The following TLN2 variants were observed in gnomAD, a reference collection of about 807,000 sequenced individuals.
The protein encoded by TLN2 is talin-2.
TLN2 carries 118 observed loss-of-function variants against 294.7 expected under a neutral mutation model. The ratio of observed to expected loss-of-function variants is 0.40; its 90% confidence interval spans 0.34 to 0.47. The LOEUF is 0.47. Among genes scored for constraint, TLN2 ranks in the 20% least tolerant of loss-of-function variants. The pLI, the probability that TLN2 is intolerant of heterozygous loss-of-function variation, is 0.84. For missense variants in TLN2, 3,083 were observed against 3,282.2 expected, an observed-to-expected ratio of 0.94 and a Z score of 1.48; for synonymous variants, 1,431 against 1,304.5, an observed-to-expected ratio of 1.10 and a Z score of -2.09.
At chr15:62,815,849 A>G (rs2067066771) in intron 52 of TLN2, among the ~76,000 whole-genome samples, 1 of 152,252 alleles carries the variant, frequency 6.6e-6, no homozygotes. Flanking sequence ...CATACCAATA[A>G]TAATACATTT....
chr15:62,656,567 A>G (rs961527914), intron 8 of TLN2, among the ~76,000 whole-genome samples: 5 of 152,316 alleles, frequency 3.3e-5, no homozygotes, highest in South Asian at 2.1e-4. Flanking sequence ...GTTTCCCAGT[A>G]TGTAAGATGT....
chr15:62,425,962 G>A (rs957948948), intron 1 of TLN2, among the ~76,000 whole-genome samples: 18 of 152,294 alleles, frequency 1.2e-4, no homozygotes, highest in African/African-American at 4.1e-4. Context: ...TTTTGTTTGT[G>A]GTCTTCAATT....
intron 1 of TLN2, among the ~76,000 whole-genome samples, chr15:62,475,986 A>G (rs949590121): frequency 6.6e-6 from 1 of 152,198 alleles, no homozygotes. Flanking sequence ...GGCAAGGCCT[A>G]TCTTCTGAGT....
chr15:62,430,814 G>A (rs1478156231), intron 1 of TLN2, among the ~76,000 whole-genome samples: 4 of 151,896 alleles, frequency 2.6e-5, no homozygotes, highest in African/African-American at 7.3e-5. Flanking sequence ...AGTAATTCAG[G>A]ATAAATTGTT....
At chr15:62,454,502 G>A (rs2036346614) in intron 1 of TLN2, among the ~76,000 whole-genome samples, 1 of 152,150 alleles carries the variant, frequency 6.6e-6, no homozygotes, top group Admixed American at 6.5e-5. Flanking sequence ...TGCCAGGTGG[G>A]GCACCGTCAT....
In TLN2 at chr15:62,778,733, A is replaced by G. The variant is rs149696754; in HGVS notation, c.5514+1823A>G. Among the ~76,000 whole-genome samples, 643 of 152,318 alleles carry G rather than the reference A, an allele frequency of 4.2e-3. 1 individual carries two copies. The highest frequency in any genetic ancestry group is 0.014 in the African/African-American group (563 of 41,570). On this transcript the variant is annotated intron_variant, in intron 43 of 58. Coordinates refer to ENST00000636159, the MANE Select transcript of TLN2 (RefSeq NM_015059.3). The stretch of plus-strand genomic sequence containing the variant: ...AAGTCAGGTGTTACTTGATAGCAGT[A>G]ATTAGGAACTGCCAGCCAACACAAG...
intron 52 of TLN2, among the ~76,000 whole-genome samples, chr15:62,813,807 T>C (rs2066877200): frequency 6.7e-6 from 1 of 148,882 alleles, no homozygotes; most frequent in African/African-American, 2.5e-5. Context: ...CTTTTATTCA[T>C]GCATATGGGC....
intron 1 of TLN2, among the ~76,000 whole-genome samples, chr15:62,429,420 A>T (rs548907904): frequency 6.6e-6 from 1 of 151,920 alleles, no homozygotes; most frequent in African/African-American, 2.4e-5. Context: ...TGTCTAGCCA[A>T]CTCTGCATTG....
chr15:62,394,373 A>G (rs1457017140), intron 1 of TLN2, among the ~76,000 whole-genome samples: 2 of 152,320 alleles, frequency 1.3e-5, no homozygotes, highest in East Asian at 1.9e-4. Context: ...AAAAAGAGCT[A>G]AATAATTCAG....
intron 14 of TLN2, among the ~76,000 whole-genome samples, chr15:62,695,177 AC>A (rs771427006): frequency 6.6e-6 from 1 of 152,082 alleles, no homozygotes; most frequent in Non-Finnish European, 1.5e-5. Context: ...TTTTTGGGAA[AC>A]CTATCCAGAC....
At chr15:62,399,265 A>AC (rs2032825629) in intron 1 of TLN2, among the ~76,000 whole-genome samples, 1 of 147,198 alleles carries the variant, frequency 6.8e-6, no homozygotes. Flanking sequence ...ACAAAAAAAA[A>AC]AAAAAAAAAA....
At chr15:62,741,165 A>C (rs748463561) in intron 32 of TLN2, among the ~76,000 whole-genome samples, 3 of 152,284 alleles carry the variant, frequency 2.0e-5, no homozygotes, top group African/African-American at 2.4e-5. Flanking sequence ...GTGCTCATCA[A>C]GTCATTCAGC....
At chr15:62,468,762 A>T (rs944843155) in intron 1 of TLN2, among the ~76,000 whole-genome samples, 2 of 69,654 alleles carry the variant, frequency 2.9e-5, no homozygotes, top group African/African-American at 5.3e-5. Flanking sequence ...AAATAAAAAT[A>T]AAAAAAATAC....
At chr15:62,521,744 A>G (rs1254505956) in intron 1 of TLN2, among the ~76,000 whole-genome samples, 3 of 152,188 alleles carry the variant, frequency 2.0e-5, no homozygotes, top group Admixed American at 6.5e-5. Context: ...GGCTGCATTA[A>G]TGGAGATTCC....
At chr15:62,546,268 T>C (rs1040420897) in intron 1 of TLN2, among the ~76,000 whole-genome samples, 6 of 152,128 alleles carry the variant, frequency 3.9e-5, no homozygotes, top group Non-Finnish European at 7.4e-5. Flanking sequence ...TTGCTGGAGA[T>C]TTTCCTTTAA....
At position 62,753,925 on chromosome 15, in the gene TLN2, T is replaced by C; in HGVS notation, c.4476+9T>C. ...GCAGCAGCCCATCACAGGTAACTGT[T>C]GGGGAGGATGTAAGATTTCAAGCCC... On this transcript the variant is annotated intron_variant, in intron 36 of 58. Transcript: ENST00000636159. The C allele has an allele frequency of 1.3e-6, 2 of 1,576,676 alleles. No individual in the cohort carries two copies. Among genetic ancestry groups the C allele is most frequent in the South Asian group, 1.2e-5 (1 of 85,730 alleles).
At chr15:62,558,072 T>A (rs1366074519) in intron 1 of TLN2, among the ~76,000 whole-genome samples, 1 of 152,228 alleles carries the variant, frequency 6.6e-6, no homozygotes, top group Non-Finnish European at 1.5e-5. Context: ...AGTGGAATTA[T>A]ATCTGAAGAA....
chr15:62,518,796 C>A (rs1360635793), intron 1 of TLN2, among the ~76,000 whole-genome samples: 1 of 150,180 alleles, frequency 6.7e-6, no homozygotes, highest in Non-Finnish European at 1.5e-5. Flanking sequence ...CAGAGTTTCA[C>A]CGTGTTGGCC....
At chr15:62,797,431 T>C in intron 48 of TLN2, 29 bp downstream of exon 48, 2 of 1,553,364 alleles carry the variant, frequency 1.3e-6, no homozygotes, top group Non-Finnish European at 1.7e-6. Flanking sequence ...GAGTGCGTCC[T>C]CCCGGTCTTC....
Sources: gnomAD v4.1 joint callset for allele counts (sites outside exome capture counted in the v4.1 genomes callset) on GRCh38, gnomAD v4.1.1 for gene constraint, MANE v1.5 for transcripts, NCBI Gene and HGNC (gene_info 2026-07-23, HGNC 2026-07-21) for gene names.